TUNAR: variants seen among roughly 807,000 people sequenced by gnomAD.
TUNAR encodes transmembrane neural differentiation associated intracellular calcium regulator.
At chr14:95,922,723 G>A in intron 2 of TUNAR, 58 bp from the exon 2 acceptor site, 2 of 397,878 alleles carry the variant, frequency 5.0e-6, no homozygotes, top group African/African-American at 4.1e-5. Flanking sequence ...GATCTGCCTG[G>A]CTATGGAGGG....
At chr14:95,885,492 G>A (rs1469890433) in intron 2 of TUNAR, among the ~76,000 whole-genome samples, 3 of 152,214 alleles carry the variant, frequency 2.0e-5, no homozygotes, top group African/African-American at 7.2e-5. Flanking sequence ...AGCCCTGAGA[G>A]ACGAGAAGGA....
chr14:95,905,558 T>C (rs767680705), intron 2 of TUNAR, among the ~76,000 whole-genome samples: 42 of 152,356 alleles, frequency 2.8e-4, no homozygotes, highest in Non-Finnish European at 4.9e-4. Context: ...TCGGGATTCA[T>C]GGTGTGGACA....
chr14:95,900,453 G>C (rs1024535454), intron 2 of TUNAR, among the ~76,000 whole-genome samples: 3 of 152,188 alleles, frequency 2.0e-5, no homozygotes, highest in African/African-American at 7.2e-5. Flanking sequence ...CATGGCTTGA[G>C]CAAGAGCCAG....
At chr14:95,900,738 C>G (rs1429822569) in intron 2 of TUNAR, among the ~76,000 whole-genome samples, 1 of 152,180 alleles carries the variant, frequency 6.6e-6, no homozygotes, top group African/African-American at 2.4e-5. Flanking sequence ...GGAGCGCATA[C>G]TAGTTTGGAG....
At chr14:95,900,244 GAC>G (rs1889330309) in intron 2 of TUNAR, among the ~76,000 whole-genome samples, 1 of 152,252 alleles carries the variant, frequency 6.6e-6, no homozygotes, top group Non-Finnish European at 1.5e-5. Context: ...CAGAGGGAGA[GAC>G]AAACATGTAA....
intron 2 of TUNAR, among the ~76,000 whole-genome samples, chr14:95,913,521 G>C (rs981121701): frequency 6.6e-6 from 1 of 152,132 alleles, no homozygotes; most frequent in Admixed American, 6.5e-5. Flanking sequence ...TTTTCATTCC[G>C]CAATTTACTA....
intron 2 of TUNAR, among the ~76,000 whole-genome samples, chr14:95,878,902 T>C (rs1190398026): frequency 2.6e-5 from 4 of 152,232 alleles, no homozygotes. Flanking sequence ...GCTGGTGAGC[T>C]TTTCCTGCCC....
Position 95,895,686 on chromosome 14 carries a change from C to T in TUNAR, c.12+18509C>T, listed in dbSNP as rs1330419572. ...TGGCATAGCTCTCTGGCATCTTCCT[C>T]ACCCCCAGCACCCTATGCACCAGAC... On this transcript the variant is annotated intron_variant, in intron 2 of 2. Transcript: ENST00000678517. This position sits in a 1 kb window ranked among gnomAD's most constrained non-coding sequence, Gnocchi z 4.5. The T allele has an allele frequency of 6.6e-6, 1 of 152,338 alleles. No individual in the cohort carries two copies. The highest frequency in any genetic ancestry group is 1.9e-4 in the East Asian group (1 of 5,200). 9.4% of individuals were successfully genotyped at this position (152,338 alleles called of 1,614,324 possible).
At position 95,889,042 on chromosome 14, in the gene TUNAR, T is replaced by C. The variant is rs114861737; in HGVS notation, c.12+11865T>C. 6.4e-4 allele frequency among the ~76,000 whole-genome samples: 98 copies of C among 152,312 alleles called. 1 individual carries two copies. The highest frequency in any genetic ancestry group is 2.3e-3 in the African/African-American group (96 of 41,578). ...GCATGTGAGCTGTTTCCCCTTCAGA[T>C]GTCCTTTCTGAAGAAGGAAGCAGAG... On this transcript the variant is annotated intron_variant, in intron 2 of 2. Coordinates refer to ENST00000678517, the Ensembl canonical transcript of TUNAR.
At chr14:95,924,300 G>T (rs2089547435) in exon 3 of TUNAR, 1 of 152,180 alleles carries the variant, frequency 6.6e-6, no homozygotes, top group Admixed American at 6.5e-5. Flanking sequence ...TTGCCCTAAA[G>T]GACTTCTGTA....
chr14:95,888,808 G>GT (rs1889120178), intron 2 of TUNAR, among the ~76,000 whole-genome samples: 1 of 135,510 alleles, frequency 7.4e-6, no homozygotes, highest in Admixed American at 8.5e-5. Context: ...TCGAGGGGAT[G>GT]GGGGGGGCAG....
intron 2 of TUNAR, among the ~76,000 whole-genome samples, chr14:95,904,515 G>GGCCCT (rs1889401463): frequency 6.6e-6 from 1 of 152,178 alleles, no homozygotes; most frequent in African/African-American, 2.4e-5. Context: ...GTGAGGGATA[G>GGCCCT]GTATGAAAGT....
intron 2 of TUNAR, among the ~76,000 whole-genome samples, chr14:95,891,212 C>G (rs182690729): frequency 6.6e-6 from 1 of 152,344 alleles, no homozygotes; most frequent in Admixed American, 6.5e-5. Context: ...CATCCCCATT[C>G]GGAAGCTAGA....
At chr14:95,900,513 G>A (rs1310319630) in intron 2 of TUNAR, among the ~76,000 whole-genome samples, 2 of 152,246 alleles carry the variant, frequency 1.3e-5, no homozygotes, top group African/African-American at 4.8e-5. Flanking sequence ...GCTGGCCCCA[G>A]TTGGTGGGAG....
intron 2 of TUNAR, among the ~76,000 whole-genome samples, chr14:95,886,535 G>A (rs1388495914): frequency 6.6e-6 from 1 of 152,218 alleles, no homozygotes; most frequent in African/African-American, 2.4e-5. Context: ...CCCTCTTCAC[G>A]ACTGGCTGAC....
At chr14:95,891,436 A>G (rs1458915867) in intron 2 of TUNAR, among the ~76,000 whole-genome samples, 2 of 152,220 alleles carry the variant, frequency 1.3e-5, no homozygotes, top group African/African-American at 4.8e-5. Context: ...TTCTGTTTAT[A>G]AAACCCCTTC....
chr14:95,898,575 C>G (rs1393502315), intron 2 of TUNAR, among the ~76,000 whole-genome samples: 1 of 152,060 alleles, frequency 6.6e-6, no homozygotes, highest in African/African-American at 2.4e-5. Context: ...TGCCTTTTTG[C>G]TCTTTATTCG....
At chr14:95,923,121 A>G (rs929603109) in exon 3 of TUNAR, 1 of 395,644 alleles carries the variant, frequency 2.5e-6, no homozygotes, top group Non-Finnish European at 4.5e-6. Context: ...AGGTCACACA[A>G]ATAGACCGAT....
chr14:95,880,978 C>T (rs74085721), intron 2 of TUNAR, among the ~76,000 whole-genome samples: 2,834 of 152,262 alleles, frequency 0.019, 56 homozygotes, highest in East Asian at 0.08. Flanking sequence ...TAATAATTAT[C>T]GAATGGCAGA....
Sources: allele counts gnomAD v4.1 joint callset (sites outside exome capture counted in the v4.1 genomes callset), GRCh38; gene constraint gnomAD v4.1.1; non-coding constraint Gnocchi (gnomAD v3.1); transcripts MANE v1.5; gene names NCBI Gene and HGNC (gene_info 2026-07-23, HGNC 2026-07-21).